GABRA2: variants seen among roughly 807,000 people sequenced by gnomAD.
GABRA2 encodes gamma-aminobutyric acid receptor subunit alpha-2.
A neutral mutation model predicts 48.7 loss-of-function variants in GABRA2; 16 were observed. That is an observed-to-expected ratio of 0.33 (90% confidence interval 0.22 to 0.50). The LOEUF is 0.50. GABRA2 is among the 20% of genes least tolerant of loss of function. The pLI is 0.98. For missense variants in GABRA2, 275 were observed against 535.6 expected, an observed-to-expected ratio of 0.51 and a Z score of 4.80; for synonymous variants, 185 against 184.5, an observed-to-expected ratio of 1.00 and a Z score of -0.02.
At chr4:46,278,624 GTTC>G (rs1232471792) in intron 8 of GABRA2, among the ~76,000 whole-genome samples, 1 of 152,080 alleles carries the variant, frequency 6.6e-6, no homozygotes, top group Non-Finnish European at 1.5e-5. Context: ...GTAAAGAAAT[GTTC>G]TTTTTCTTCT....
At chr4:46,283,557 T>C (rs1221709317) in intron 8 of GABRA2, among the ~76,000 whole-genome samples, 6 of 152,234 alleles carry the variant, frequency 3.9e-5, no homozygotes. Context: ...CAGGGCTATC[T>C]GTAGAACTAA....
At chr4:46,345,963 C>T (rs1734076308) in intron 3 of GABRA2, among the ~76,000 whole-genome samples, 1 of 151,922 alleles carries the variant, frequency 6.6e-6, no homozygotes, top group African/African-American at 2.4e-5. Flanking sequence ...CTGTAGATGA[C>T]TTCCCTTGAA....
At chr4:46,273,868 T>C (rs1268162422) in intron 8 of GABRA2, among the ~76,000 whole-genome samples, 1 of 152,046 alleles carries the variant, frequency 6.6e-6, no homozygotes, top group African/African-American at 2.4e-5. Flanking sequence ...AGGAGAAGCA[T>C]ATCTATTCAT....
intron 4 of GABRA2, among the ~76,000 whole-genome samples, chr4:46,319,415 T>C (rs1729078714): frequency 6.6e-6 from 1 of 151,896 alleles, no homozygotes; most frequent in South Asian, 2.1e-4. Flanking sequence ...GTTTCTTCTA[T>C]AATGAAGAAC....
At chr4:46,369,046 A>G (rs1212860490) in intron 3 of GABRA2, 7 of 696,410 alleles carry the variant, frequency 1.0e-5, no homozygotes, top group Non-Finnish European at 1.8e-5. Flanking sequence ...TGAGCAAAAT[A>G]ATTACATAAT....
intron 9 of GABRA2, among the ~76,000 whole-genome samples, chr4:46,251,596 T>A (rs754208622): frequency 6.6e-6 from 1 of 151,474 alleles, no homozygotes; most frequent in Non-Finnish European, 1.5e-5. Flanking sequence ...CTTTCTCTTA[T>A]TTTGGTCTTG....
chr4:46,305,611 C>A lies in GABRA2; in HGVS notation c.660G>T (p.Leu220=). The change falls in exon 7 of 10, where the codon CTG becomes CTT. Residue 220 remains leucine, a synonymous_variant. Coordinates refer to ENST00000381620, the MANE Select transcript of GABRA2 (RefSeq NM_000807.4). The part of the protein sequence containing the change: ...PDGSRLNQYD[L]LGQSIGKETI... ...TCTCCTTTCCGATTGATTGGCCCAG[C>A]AGGTCATATTGATTTAACCTAGAGC... The A allele has an allele frequency of 6.2e-7, 1 of 1,613,908 alleles. No individual in the cohort carries two copies. Among genetic ancestry groups the A allele is most frequent in the East Asian group, 2.2e-5 (1 of 44,850 alleles).
chr4:46,310,794 CTT>C (rs970576232), intron 5 of GABRA2, among the ~76,000 whole-genome samples: 2 of 152,064 alleles, frequency 1.3e-5, no homozygotes, highest in African/African-American at 4.8e-5. Flanking sequence ...CTAGAAATAA[CTT>C]TATCAAGTTT....
At chr4:46,364,958 T>A (rs1713814637) in intron 3 of GABRA2, 1 of 152,206 alleles carries the variant, frequency 6.6e-6, no homozygotes, top group African/African-American at 2.4e-5. Flanking sequence ...GTAAATGTTT[T>A]AAAAATTGTC....
At chr4:46,285,465 C>T (rs950555083) in intron 8 of GABRA2, among the ~76,000 whole-genome samples, 2 of 152,034 alleles carry the variant, frequency 1.3e-5, no homozygotes, top group African/African-American at 4.8e-5. Flanking sequence ...TTTATCTCAA[C>T]TCTGTACTAG....
intron 3 of GABRA2, among the ~76,000 whole-genome samples, chr4:46,360,473 C>T (rs1713001567): frequency 6.6e-6 from 1 of 152,210 alleles, no homozygotes; most frequent in African/African-American, 2.4e-5. Context: ...GTGACTTGCT[C>T]CTCATTGCCT....
At chr4:46,297,981 T>C (rs1399227912) in intron 8 of GABRA2, among the ~76,000 whole-genome samples, 1 of 152,158 alleles carries the variant, frequency 6.6e-6, no homozygotes, top group Non-Finnish European at 1.5e-5. Flanking sequence ...ATGTGATTTA[T>C]TATTTAATCC....
At chr4:46,345,286 T>C (rs986275395) in intron 3 of GABRA2, among the ~76,000 whole-genome samples, 4 of 151,896 alleles carry the variant, frequency 2.6e-5, no homozygotes, top group East Asian at 1.9e-4. Context: ...TATGTCTTTA[T>C]AGCAGTGTGA....
intron 3 of GABRA2, among the ~76,000 whole-genome samples, chr4:46,356,095 CA>C (rs1735918652): frequency 6.6e-6 from 1 of 152,144 alleles, no homozygotes; most frequent in Non-Finnish European, 1.5e-5. Flanking sequence ...CTGTGGCACT[CA>C]ATGCCCCTGA....
At chr4:46,309,329 A>G (rs450571) in intron 6 of GABRA2, among the ~76,000 whole-genome samples, 76,540 of 151,814 alleles carry the variant, frequency 0.5, 20,529 homozygotes, top group African/African-American at 0.69. Flanking sequence ...TTTTAATCAG[A>G]TGAGAGTACT....
Position 46,363,373 on chromosome 4 carries a change from G to T in GABRA2, c.187+22701C>A, listed in dbSNP as rs376532918. ...GAAAGACTTTAGAATCAAATACATAGAAGGGCAGCTAAATCCCTGGGAAAG... is the reference window on the plus strand; with the variant it reads ...GAAAGACTTTAGAATCAAATACATATAAGGGCAGCTAAATCCCTGGGAAAG... On this transcript the variant is annotated intron_variant, in intron 3 of 9. Transcript: ENST00000381620. Among the ~76,000 whole-genome samples the T allele has an allele frequency of 6.6e-5, 10 of 152,016 alleles. No homozygotes were observed. The East Asian group carries it at 1.9e-3, about 29-fold the overall frequency.
intron 8 of GABRA2, among the ~76,000 whole-genome samples, chr4:46,289,732 T>C (rs1442587836): frequency 6.6e-6 from 1 of 152,034 alleles, no homozygotes; most frequent in African/African-American, 2.4e-5. Flanking sequence ...GAAAATCAAT[T>C]GTCCGTACAT....
intron 2 of GABRA2, among the ~76,000 whole-genome samples, chr4:46,388,180 C>T (rs1717730753): frequency 6.6e-6 from 1 of 151,504 alleles, no homozygotes; most frequent in Non-Finnish European, 1.5e-5. Context: ...ACTCACACAT[C>T]TTTTGGGTTT....
At chr4:46,347,548 G>A (rs993245166) in intron 3 of GABRA2, among the ~76,000 whole-genome samples, 5 of 151,894 alleles carry the variant, frequency 3.3e-5, no homozygotes, top group African/African-American at 9.7e-5. Context: ...ACATGCAGAA[G>A]AATGAAATTG....
Sources: allele counts gnomAD v4.1 joint callset (sites outside exome capture counted in the v4.1 genomes callset), GRCh38; gene constraint gnomAD v4.1.1; transcripts MANE v1.5; gene names NCBI Gene and HGNC (gene_info 2026-07-23, HGNC 2026-07-21).